Variants in SLC44A5 observed in about 807,000 individuals in gnomAD.
SLC44A5 encodes solute carrier family 44 member 5.
A neutral mutation model predicts 101.8 loss-of-function variants in SLC44A5; 57 were observed. That is an observed-to-expected ratio of 0.56 (90% CI 0.45 to 0.70). SLC44A5 has a LOEUF of 0.70. SLC44A5 is among the 30% of genes least tolerant of loss of function. The pLI, the probability that SLC44A5 is intolerant of heterozygous loss-of-function variation, is 0.00. For missense variants in SLC44A5, 737 were observed against 853.1 expected (o/e 0.86, Z 1.70); for synonymous variants, 281 against 290.9 (o/e 0.97, Z 0.35).
In SLC44A5 at chr1:75,408,184, A is replaced by T. The variant is rs184444747; in HGVS notation, c.14-11563T>A. On this transcript the variant is annotated intron_variant, in intron 2 of 23. Transcript: ENST00000370859. ...TGAGATACCATTTCACACTGGATAG[A>T]ATGGTGATCATTAAAAAGTCAGGAA... is the stretch of plus-strand genomic sequence containing the variant. 3.1e-3 allele frequency among the ~76,000 whole-genome samples: 477 copies of T among 152,336 alleles called. 2 individuals are homozygous for T. The highest frequency in any genetic ancestry group is 4.8e-3 in the South Asian group (23 of 4,824).
intron 3 of SLC44A5, among the ~76,000 whole-genome samples, chr1:75,354,649 C>T (rs1308183390): frequency 6.6e-6 from 1 of 152,182 alleles, no homozygotes; most frequent in Non-Finnish European, 1.5e-5. Context: ...CGCCGGACTT[C>T]GTCACCCCCA....
At chr1:75,245,304 G>A (rs904503570) in intron 7 of SLC44A5, among the ~76,000 whole-genome samples, 4 of 152,030 alleles carry the variant, frequency 2.6e-5, no homozygotes, top group African/African-American at 9.7e-5. Context: ...TGGCTTCATA[G>A]GTATCTTTCT....
the SLC44A5 span, among the ~76,000 whole-genome samples, chr1:75,653,001 T>G: frequency 6.6e-6 from 1 of 152,234 alleles, no homozygotes; most frequent in African/African-American, 2.4e-5. Flanking sequence ...TTGTACTGGA[T>G]ATGCTATGCC....
At chr1:75,281,134 T>C (rs1652511567) in intron 5 of SLC44A5, among the ~76,000 whole-genome samples, 1 of 152,134 alleles carries the variant, frequency 6.6e-6, no homozygotes, top group Non-Finnish European at 1.5e-5. Flanking sequence ...TGGGAAAGTT[T>C]GGAACAACTT....
intron 4 of SLC44A5, among the ~76,000 whole-genome samples, chr1:75,301,216 C>T (rs1167430570): frequency 6.6e-6 from 1 of 152,040 alleles, no homozygotes; most frequent in Non-Finnish European, 1.5e-5. Context: ...AATAAAATGC[C>T]TCAAAAGTAT....
chr1:75,691,276 T>A, the SLC44A5 span, among the ~76,000 whole-genome samples: 1 of 152,224 alleles, frequency 6.6e-6, no homozygotes, highest in South Asian at 2.1e-4. Flanking sequence ...ACAGGTCTTT[T>A]AGCCATCTAA....
the SLC44A5 span, among the ~76,000 whole-genome samples, chr1:75,635,215 T>G: frequency 6.6e-6 from 1 of 151,574 alleles, no homozygotes; most frequent in Non-Finnish European, 1.5e-5. Context: ...TTGGTGGGAC[T>G]GTAAACTAGT....
At chr1:75,438,697 G>A (rs1665023036) in intron 2 of SLC44A5, among the ~76,000 whole-genome samples, 1 of 152,000 alleles carries the variant, frequency 6.6e-6, no homozygotes, top group Non-Finnish European at 1.5e-5. Context: ...AGGATCCTAG[G>A]CTCTGAACAA....
chr1:75,334,654 T>G (rs897280965), intron 4 of SLC44A5, among the ~76,000 whole-genome samples: 6 of 152,238 alleles, frequency 3.9e-5, no homozygotes, highest in African/African-American at 1.4e-4. Context: ...GCTCATGAGT[T>G]TAGGCTCTAA....
At chr1:75,537,033 A>AAAAATATATATATATATAT (rs35829590) in intron 2 of SLC44A5, among the ~76,000 whole-genome samples, 2 of 43,038 alleles carry the variant, frequency 4.6e-5, no homozygotes, top group Admixed American at 3.6e-4. Flanking sequence ...AAAAAAAAAA[A>AAAAATATATATATATATAT]ATATATATCT....
chr1:75,705,302 T>A, the SLC44A5 span, among the ~76,000 whole-genome samples: 1 of 152,202 alleles, frequency 6.6e-6, no homozygotes, highest in Non-Finnish European at 1.5e-5. Context: ...GTTTATACTA[T>A]CTTAATAAAA....
At chr1:75,319,080 C>A (rs771945544) in intron 4 of SLC44A5, among the ~76,000 whole-genome samples, 1 of 152,116 alleles carries the variant, frequency 6.6e-6, no homozygotes, top group Non-Finnish European at 1.5e-5. Context: ...CAATAAAAAT[C>A]TAGCTATGCT....
At chr1:75,662,649 T>C in the SLC44A5 span, among the ~76,000 whole-genome samples, 1 of 150,810 alleles carries the variant, frequency 6.6e-6, no homozygotes, top group South Asian at 2.1e-4. Flanking sequence ...ACTGTTTGTG[T>C]ATAAATTTTA....
At chr1:75,612,369 A>T (rs990665831), upstream of SLC44A5, among the ~76,000 whole-genome samples, 2 of 152,138 alleles carry the variant, frequency 1.3e-5, no homozygotes, top group African/African-American at 4.8e-5. Context: ...TCTCTTCCTT[A>T]CACATTACAC....
At chr1:75,420,252 G>T in intron 2 of SLC44A5, among the ~76,000 whole-genome samples, 1 of 152,052 alleles carries the variant, frequency 6.6e-6, no homozygotes. Flanking sequence ...AAGCTACCCA[G>T]TCTATGGTAG....
intron 6 of SLC44A5, among the ~76,000 whole-genome samples, chr1:75,264,511 T>G (rs1650826520): frequency 6.6e-6 from 1 of 152,176 alleles, no homozygotes; most frequent in African/African-American, 2.4e-5. Context: ...AAACTATAAA[T>G]AAATGGAAAT....
chr1:75,299,856 A>C (rs1010018478), intron 5 of SLC44A5, among the ~76,000 whole-genome samples: 3 of 151,638 alleles, frequency 2.0e-5, no homozygotes, highest in Non-Finnish European at 4.4e-5. Flanking sequence ...TAAAAAAAAA[A>C]AATACAAAAA....
At chr1:75,661,462 G>T in the SLC44A5 span, among the ~76,000 whole-genome samples, 1 of 143,130 alleles carries the variant, frequency 7.0e-6, no homozygotes, top group African/African-American at 2.6e-5. Flanking sequence ...AGATTTTTGG[G>T]GTAAGACTTC....
At chr1:75,690,134 A>G in the SLC44A5 span, among the ~76,000 whole-genome samples, 1 of 152,144 alleles carries the variant, frequency 6.6e-6, no homozygotes. Context: ...ATACTACTGG[A>G]GACTGGGTAA....
Sources: gnomAD v4.1 joint callset for allele counts (sites outside exome capture counted in the v4.1 genomes callset) on GRCh38, gnomAD v4.1.1 for gene constraint, MANE v1.5 for transcripts, NCBI Gene and HGNC (gene_info 2026-07-23, HGNC 2026-07-21) for gene names.